The following ZBTB7C variants were observed in gnomAD, a reference collection of about 807,000 sequenced individuals.
ZBTB7C encodes zinc finger and BTB domain-containing protein 7C.
Under a neutral mutation model 25.7 loss-of-function variants are expected in ZBTB7C, and 8 were observed. The ratio of observed to expected loss-of-function variants is 0.31; its 90% CI spans 0.18 to 0.56. The LOEUF is 0.56. Ranked by LOEUF, ZBTB7C falls within the 20% of genes least tolerant of loss-of-function variation. The probability of loss-of-function intolerance (pLI) is 0.91; values close to 1 mark genes in which losing one functional copy is unlikely to be tolerated. For missense variants in ZBTB7C, 824 were observed against 855.2 expected, an observed-to-expected ratio of 0.96 and a Z score of 0.46; for synonymous variants, 394 against 369.0, an observed-to-expected ratio of 1.07 and a Z score of -0.78.
intron 3 of ZBTB7C, among the ~76,000 whole-genome samples, chr18:48,095,095 T>A (rs1328488552): frequency 6.6e-6 from 1 of 152,062 alleles, no homozygotes; most frequent in Non-Finnish European, 1.5e-5. Flanking sequence ...AGTAACCAGG[T>A]GGGAATTTGA....
At chr18:48,350,487 A>G (rs1167397900) in intron 1 of ZBTB7C, 1 of 152,204 alleles carries the variant, frequency 6.6e-6, no homozygotes, top group Admixed American at 6.6e-5. Flanking sequence ...CCATCTCAGT[A>G]TCTATAACCT....
chr18:48,053,633 C>A (rs751681769), intron 3 of ZBTB7C, among the ~76,000 whole-genome samples: 1 of 152,180 alleles, frequency 6.6e-6, no homozygotes, highest in East Asian at 1.9e-4. Flanking sequence ...AGGCTTGAAC[C>A]TAAGCAGTCA....
At chr18:48,261,351 T>C (rs1191043023) in intron 2 of ZBTB7C, among the ~76,000 whole-genome samples, 1 of 152,098 alleles carries the variant, frequency 6.6e-6, no homozygotes, top group Admixed American at 6.5e-5. Context: ...ATGGGGCAGA[T>C]AGACTAGAGC....
At chr18:48,096,880 T>C (rs8092164) in intron 3 of ZBTB7C, among the ~76,000 whole-genome samples, 43,771 of 152,142 alleles carry the variant, frequency 0.29, 7,400 homozygotes, top group African/African-American at 0.47. Context: ...CCCTCCTAGA[T>C]TGCAAGTCCC....
intron 1 of ZBTB7C, among the ~76,000 whole-genome samples, chr18:48,390,403 T>A (rs1180924358): frequency 6.6e-6 from 1 of 152,230 alleles, no homozygotes; most frequent in Non-Finnish European, 1.5e-5. Context: ...TGTCATTTTT[T>A]AAATTAGTTT....
intron 2 of ZBTB7C, among the ~76,000 whole-genome samples, chr18:48,310,011 C>G (rs552836394): frequency 2.0e-5 from 3 of 152,124 alleles, no homozygotes; most frequent in Admixed American, 6.5e-5. Flanking sequence ...AGGTGGATCA[C>G]GGGGTCAGGA....
intron 4 of ZBTB7C, among the ~76,000 whole-genome samples, chr18:48,032,725 C>T (rs1050035708): frequency 4.6e-5 from 7 of 152,134 alleles, no homozygotes; most frequent in East Asian, 1.9e-4. Context: ...TGTGAGCCAC[C>T]GCCCCTGGCC....
intron 2 of ZBTB7C, among the ~76,000 whole-genome samples, chr18:48,246,289 G>A (rs1048635125): frequency 1.3e-5 from 2 of 152,030 alleles, no homozygotes; most frequent in Non-Finnish European, 1.5e-5. Context: ...CGTTAGCCGG[G>A]CGTGGTGGCG....
In ZBTB7C at chr18:48,223,706, G is replaced by C. The variant is rs377763346; in HGVS notation, c.-78-37711C>G. Among the ~76,000 whole-genome samples the C allele has an allele frequency of 6.2e-4, 95 of 152,288 alleles. 1 individual carries two copies. Among genetic ancestry groups the C allele is most frequent in the African/African-American group, 2.2e-3 (91 of 41,542 alleles). ...TCCAGTTCTGCTACTATGACTTTGA[G>C]CAAGTCACTTAACGTCCTTTAACCT... is the stretch of plus-strand genomic sequence containing the variant. On this transcript the variant is annotated intron_variant, in intron 2 of 4. Transcript: ENST00000590800.
chr18:48,346,753 C>T (rs2145008498), intron 1 of ZBTB7C: 1 of 152,274 alleles, frequency 6.6e-6, no homozygotes, highest in South Asian at 2.1e-4. Context: ...GAATTTCACT[C>T]CAACTCTACA....
At chr18:48,186,539 G>C (rs951572247) in intron 2 of ZBTB7C, among the ~76,000 whole-genome samples, 1 of 152,354 alleles carries the variant, frequency 6.6e-6, no homozygotes, top group East Asian at 1.9e-4. Context: ...CATCGGGGAG[G>C]TTGACTGTAA....
chr18:48,129,682 C>G (rs1434513597), intron 3 of ZBTB7C, among the ~76,000 whole-genome samples: 2 of 152,228 alleles, frequency 1.3e-5, no homozygotes, highest in African/African-American at 2.4e-5. Flanking sequence ...CCGGGCACGG[C>G]ACTGCATGGA....
chr18:48,223,943 T>C (rs1380656498), intron 2 of ZBTB7C, among the ~76,000 whole-genome samples: 2 of 152,182 alleles, frequency 1.3e-5, no homozygotes, highest in African/African-American at 4.8e-5. Flanking sequence ...TGTGGCAGTT[T>C]TGGGCAGGCC....
At chr18:48,303,691 T>C (rs9948376) in intron 2 of ZBTB7C, among the ~76,000 whole-genome samples, 26,904 of 152,112 alleles carry the variant, frequency 0.18, 2,470 homozygotes, top group African/African-American at 0.2. Flanking sequence ...AAGGATAAGC[T>C]CCACAACTCA....
At chr18:48,310,130 T>C (rs1403812759) in intron 2 of ZBTB7C, among the ~76,000 whole-genome samples, 1 of 151,576 alleles carries the variant, frequency 6.6e-6, no homozygotes, top group African/African-American at 2.4e-5. Flanking sequence ...CTCGGGAGGC[T>C]GAGGCAGGAG....
chr18:48,114,441 A>C (rs2039352797), intron 3 of ZBTB7C, among the ~76,000 whole-genome samples: 1 of 152,086 alleles, frequency 6.6e-6, no homozygotes, highest in Non-Finnish European at 1.5e-5. Context: ...TCTCTGCTAA[A>C]AATACAAAAA....
At chr18:48,295,095 C>T (rs1203685590) in intron 2 of ZBTB7C, among the ~76,000 whole-genome samples, 1 of 152,118 alleles carries the variant, frequency 6.6e-6, no homozygotes, top group Non-Finnish European at 1.5e-5. Context: ...ACTGCACTTG[C>T]CTGTCTCTTT....
intron 3 of ZBTB7C, among the ~76,000 whole-genome samples, chr18:48,080,400 A>C (rs78778679): frequency 0.02 from 3,075 of 152,258 alleles, 91 homozygotes; most frequent in African/African-American, 0.065. Context: ...GTGTAAGCCC[A>C]TATTTTTCAT....
chr18:48,339,549 C>T (rs1018706744), intron 1 of ZBTB7C, among the ~76,000 whole-genome samples: 2 of 152,168 alleles, frequency 1.3e-5, no homozygotes, highest in African/African-American at 4.8e-5. Context: ...GAGAAGCTTG[C>T]TAAAGATCAC....
Sources: allele counts gnomAD v4.1 joint callset (sites outside exome capture counted in the v4.1 genomes callset), GRCh38; gene constraint gnomAD v4.1.1; transcripts MANE v1.5; gene names NCBI Gene and HGNC (gene_info 2026-07-23, HGNC 2026-07-21).